The following NCOA2 variants were observed in gnomAD, a reference collection of about 807,000 sequenced individuals.
The protein encoded by NCOA2 is nuclear receptor coactivator 2, also known as class E basic helix-loop-helix protein 75.
Under a neutral mutation model 145.1 loss-of-function variants are expected in NCOA2, and 21 were observed. The observed-to-expected ratio is 0.14, with a 90% confidence interval of 0.10 to 0.21. The LOEUF (loss-of-function observed/expected upper bound fraction) is 0.21, where lower values mean the gene tolerates loss of function less well. Ranked by LOEUF, NCOA2 falls within the 10% of genes least tolerant of loss-of-function variation. The pLI, the probability that NCOA2 is intolerant of heterozygous loss-of-function variation, is 1.00. For synonymous variants in NCOA2, 619 were observed against 637.5 expected, an observed-to-expected ratio of 0.97 and a Z score of 0.44; for missense variants, 1,472 against 1,837.6, an observed-to-expected ratio of 0.80 and a Z score of 3.64.
intron 1 of NCOA2, among the ~76,000 whole-genome samples, chr8:70,379,567 CT>C (rs1375775277): frequency 6.6e-6 from 1 of 152,164 alleles, no homozygotes; most frequent in African/African-American, 2.4e-5. Context: ...TTATCTCTTT[CT>C]GCCACCATTT....
rs1809995620 is a variant in NCOA2 at position 70,138,435 on chromosome 8, C to T, written c.3029-103G>A. 11 of 1,153,470 alleles carry T rather than the reference C, an allele frequency of 9.5e-6. No homozygotes were observed. The East Asian group carries it at 3.0e-4, about 32-fold the overall frequency. 71.5% of individuals were successfully genotyped at this position (1,153,470 alleles called of 1,614,324 possible). On this transcript the variant is annotated intron_variant, in intron 14 of 22. Transcript: ENST00000452400. ...TGTCTGGTTTATGAAAAAGGGAAAA[C>T]ACAGAAGCAGTAATAATTAACTAGG... is the stretch of plus-strand genomic sequence containing the variant.
chr8:70,452,844 G>A, the NCOA2 span, among the ~76,000 whole-genome samples: 33 of 152,276 alleles, frequency 2.2e-4, no homozygotes, highest in African/African-American at 7.9e-4. Context: ...AGGGCAATTA[G>A]AAGGGAGTAA....
intron 16 of NCOA2, among the ~76,000 whole-genome samples, chr8:70,129,925 C>T (rs1432503763): frequency 3.3e-5 from 5 of 152,220 alleles, no homozygotes; most frequent in African/African-American, 2.4e-5. Context: ...CCGTTTCAGC[C>T]TCCCAAAGTG....
chr8:70,446,104 T>G, the NCOA2 span, among the ~76,000 whole-genome samples: 1 of 152,138 alleles, frequency 6.6e-6, no homozygotes, highest in Non-Finnish European at 1.5e-5. Flanking sequence ...AAACAAATAT[T>G]ATCTTTAGTC....
At chr8:70,356,539 T>C (rs1156805310) in intron 1 of NCOA2, among the ~76,000 whole-genome samples, 7 of 152,204 alleles carry the variant, frequency 4.6e-5, no homozygotes, top group Non-Finnish European at 8.8e-5. Context: ...TTTCAAATAC[T>C]ACATATTTTA....
rs546344208 is a variant in NCOA2, at chr8:70,144,625, T to G, written c.2812+17A>C. On this transcript the variant is annotated intron_variant, in intron 13 of 22. Transcript: ENST00000452400. ...AAATAACCCACCAATAAAGTAACAGTGCATTTGACCCCTTACCTGTGCTAC... is the reference window on the plus strand; with the variant it reads ...AAATAACCCACCAATAAAGTAACAGGGCATTTGACCCCTTACCTGTGCTAC... 27 of 1,594,958 alleles carry G rather than the reference T, an allele frequency of 1.7e-5. No individual in the cohort carries two copies. The highest frequency in any genetic ancestry group is 2.2e-5 in the Non-Finnish European group (26 of 1,162,590).
At chr8:70,131,808 G>GC (rs1809146145) in intron 16 of NCOA2, 29 bp downstream of exon 16, 2 of 1,565,778 alleles carry the variant, frequency 1.3e-6, no homozygotes, top group Non-Finnish European at 8.7e-7. Flanking sequence ...AGAGCGCTTG[G>GC]CCCCCACCTG....
the NCOA2 span, among the ~76,000 whole-genome samples, chr8:70,427,137 G>A: frequency 6.6e-6 from 1 of 151,970 alleles, no homozygotes; most frequent in East Asian, 1.9e-4. Context: ...ATTATATTCA[G>A]TATGTATTAT....
chr8:70,159,465 A>T, intron 10 of NCOA2, 40 bp downstream of exon 10: 2 of 1,511,282 alleles, frequency 1.3e-6, no homozygotes, highest in Non-Finnish European at 1.8e-6. Context: ...ATCTCCTCTT[A>T]ACTTGGAAAT....
intron 1 of NCOA2, among the ~76,000 whole-genome samples, chr8:70,302,065 TCAC>T (rs1827549989): frequency 6.6e-6 from 1 of 152,136 alleles, no homozygotes; most frequent in African/African-American, 2.4e-5. Flanking sequence ...CACCTTTAAG[TCAC>T]CACAGGATAT....
At chr8:70,162,911 ATTTT>A (rs10641831) in intron 8 of NCOA2, 57 bp from the exon 9 acceptor site, 240 of 921,448 alleles carry the variant, frequency 2.6e-4, no homozygotes, top group East Asian at 1.0e-3. Context: ...TATGGAAATA[ATTTT>A]TTTTTTTTTT....
rs777333052 is a variant in NCOA2, at chr8:70,113,481, C to T, written c.*151G>A. 2 of 809,178 alleles carry T rather than the reference C, an allele frequency of 2.5e-6. No individual in the cohort carries two copies. Among genetic ancestry groups the T allele is most frequent in the Non-Finnish European group, 2.0e-6 (1 of 504,218 alleles). The allele number at this position is 809,178 out of a possible 1,614,324, so 50.1% of individuals were successfully genotyped here. On this transcript the variant is annotated 3_prime_UTR_variant, in exon 23 of 23. Transcript: ENST00000452400. ...TCCTCCTGCCACAGCCGAGTGGACG[C>T]CACCCTGGGAACCAGGGCCAGGCCT...
chr8:70,130,388 G>C (rs1401944928), intron 16 of NCOA2, among the ~76,000 whole-genome samples: 1 of 152,122 alleles, frequency 6.6e-6, no homozygotes, highest in East Asian at 1.9e-4. Flanking sequence ...CACCTGTTTT[G>C]ATAACATTAC....
chr8:70,310,856 CCTTT>C (rs1259576692), intron 1 of NCOA2, among the ~76,000 whole-genome samples: 1 of 152,192 alleles, frequency 6.6e-6, no homozygotes, highest in African/African-American at 2.4e-5. Context: ...ATTATTCACA[CCTTT>C]CTATTTGTAG....
intron 2 of NCOA2, among the ~76,000 whole-genome samples, chr8:70,253,119 G>C (rs1823342618): frequency 6.6e-6 from 1 of 152,104 alleles, no homozygotes; most frequent in African/African-American, 2.4e-5. Flanking sequence ...TCCTTGTAAG[G>C]AAGAGGGTGA....
At chr8:70,184,354 C>T (rs1815813741) in intron 4 of NCOA2, among the ~76,000 whole-genome samples, 1 of 152,164 alleles carries the variant, frequency 6.6e-6, no homozygotes, top group Non-Finnish European at 1.5e-5. Flanking sequence ...ATTTTCCCAG[C>T]CACTCACAGC....
At chr8:70,115,625 T>C (rs538429619) in intron 22 of NCOA2, among the ~76,000 whole-genome samples, 30 of 152,334 alleles carry the variant, frequency 2.0e-4, no homozygotes, top group African/African-American at 7.0e-4. Context: ...CTATTAGTAA[T>C]CAATTTTCAT....
chr8:70,400,083 C>G (rs1210170031), intron 1 of NCOA2, among the ~76,000 whole-genome samples: 4 of 152,204 alleles, frequency 2.6e-5, no homozygotes, highest in Admixed American at 2.0e-4. Flanking sequence ...CCCTCCAAGC[C>G]TTACATTTTA....
chr8:70,420,377 T>C, the NCOA2 span, among the ~76,000 whole-genome samples: 1 of 152,210 alleles, frequency 6.6e-6, no homozygotes, highest in Non-Finnish European at 1.5e-5. Flanking sequence ...GTGAGAATCA[T>C]GTCCCCATCC....
Sources: allele counts gnomAD v4.1 joint callset (sites outside exome capture counted in the v4.1 genomes callset), GRCh38; gene constraint gnomAD v4.1.1; transcripts MANE v1.5; gene names NCBI Gene and HGNC (gene_info 2026-07-23, HGNC 2026-07-21).